FDX1: variants seen among roughly 807,000 people sequenced by gnomAD.
The protein encoded by FDX1 is adrenodoxin, mitochondrial.
In FDX1, 9 loss-of-function variants were observed where a neutral mutation model predicts 14.9. That is an observed-to-expected ratio of 0.60 (90% CI 0.36 to 1.05). The LOEUF (loss-of-function observed/expected upper bound fraction) is 1.05, where lower values mean the gene tolerates loss of function less well. FDX1 is among the 50% of genes least tolerant of loss of function. The pLI is 0.01. For missense variants in FDX1, 204 were observed against 237.2 expected (o/e 0.86, Z 0.92); for synonymous variants, 92 against 99.4 (o/e 0.93, Z 0.44).
chr11:110,444,704 ACG>A lies in FDX1; in HGVS notation c.310+8747_310+8748del, dbSNP rs1491177489. Among the ~76,000 whole-genome samples the A allele has an allele frequency of 6.1e-3, 249 of 40,920 alleles. 16 individuals carry two copies. The highest frequency in any genetic ancestry group is 0.03 in the African/African-American group (221 of 7,394). 26.8% of individuals were successfully genotyped at this position (40,920 alleles called of 152,430 possible). ...TATATACACGTATATATATATATAT[ACG>A]TATATATATATATATACGTATATAT... is the stretch of plus-strand genomic sequence containing the variant. On this transcript the variant is annotated intron_variant, in intron 2 of 3. Coordinates refer to ENST00000260270, the MANE Select transcript of FDX1 (RefSeq NM_004109.5).
Position 110,430,257 on chromosome 11 carries a change from G to C in FDX1, c.137G>C (p.Ser46Thr). The C allele has an allele frequency of 2.2e-5, 27 of 1,204,814 alleles. No individual in the cohort carries two copies. The highest frequency in any genetic ancestry group is 2.8e-5 in the Non-Finnish European group (27 of 970,494). The allele number at this position is 1,204,814 out of a possible 1,614,324, so 74.6% of individuals were successfully genotyped here. The change falls in exon 1 of 4, where the codon AGC becomes ACC. Residue 46 changes from serine to threonine, a missense_variant. Coordinates refer to ENST00000260270, the MANE Select transcript of FDX1 (RefSeq NM_004109.5). ...GLLRNRGPGG[S>T]AEASRSLSVS... The stretch of plus-strand genomic sequence containing the variant: ...CTGAGGAACCGGGGGCCGGGCGGGA[G>C]CGCGGAGGCGAGCCGGTCGCTGAGC...
intron 2 of FDX1, among the ~76,000 whole-genome samples, chr11:110,454,705 G>T (rs1388855174): frequency 1.3e-5 from 2 of 152,110 alleles, no homozygotes; most frequent in Non-Finnish European, 2.9e-5. Context: ...GCCAGTCATG[G>T]TTGCCAGTAT....
chr11:110,431,079 G>A (rs1051332913), intron 1 of FDX1, among the ~76,000 whole-genome samples: 2 of 151,330 alleles, frequency 1.3e-5, no homozygotes, highest in Admixed American at 6.6e-5. Context: ...CACGTAATGA[G>A]GGCTCAGTAG....
Position 110,450,494 on chromosome 11 carries a change from A to G in FDX1, c.311-6424A>G, listed in dbSNP as rs186911145. Among the ~76,000 whole-genome samples the G allele has an allele frequency of 2.5e-3, 380 of 152,310 alleles. 3 individuals carry two copies. Among genetic ancestry groups the G allele is most frequent in the African/African-American group, 7.9e-3 (329 of 41,572 alleles). On this transcript the variant is annotated intron_variant, in intron 2 of 3. Transcript: ENST00000260270. ...TGTAAATACAGATGAAGCTTCCCTCACTTGCCCTCTGCTCACCTGCTGTGT... is the reference window on the plus strand; with the variant it reads ...TGTAAATACAGATGAAGCTTCCCTCGCTTGCCCTCTGCTCACCTGCTGTGT...
chr11:110,452,868 C>G (rs1946495600), intron 2 of FDX1, among the ~76,000 whole-genome samples: 1 of 152,170 alleles, frequency 6.6e-6, no homozygotes, highest in South Asian at 2.1e-4. Context: ...TATGAACATT[C>G]TGGAAAAGAC....
intron 3 of FDX1, among the ~76,000 whole-genome samples, chr11:110,459,892 G>C (rs532504787): frequency 6.6e-6 from 1 of 152,304 alleles, no homozygotes; most frequent in South Asian, 2.1e-4. Flanking sequence ...GGAGCTTTTT[G>C]TTCCGTCTCT....
intron 2 of FDX1, among the ~76,000 whole-genome samples, chr11:110,436,576 C>G (rs1386720449): frequency 4.7e-5 from 6 of 128,764 alleles, no homozygotes; most frequent in East Asian, 2.8e-4. Flanking sequence ...ACTCCTCCCC[C>G]ACCCACCGCC....
intron 1 of FDX1, among the ~76,000 whole-genome samples, chr11:110,435,343 A>G (rs1417759278): frequency 1.3e-5 from 2 of 152,332 alleles, no homozygotes; most frequent in African/African-American, 4.8e-5. Flanking sequence ...AAGCTACTGC[A>G]CTGGCTTGTA....
intron 3 of FDX1, 44 bp downstream of exon 3, chr11:110,457,091 C>A: frequency 6.4e-7 from 1 of 1,569,740 alleles, no homozygotes; most frequent in Non-Finnish European, 8.7e-7. Flanking sequence ...AATCTGGGAA[C>A]ATAGATGTTG....
At chr11:110,460,818 G>T (rs922497743) in intron 3 of FDX1, among the ~76,000 whole-genome samples, 2 of 152,214 alleles carry the variant, frequency 1.3e-5, no homozygotes, top group African/African-American at 4.8e-5. Flanking sequence ...TATATTAAGT[G>T]CTGGATTCTG....
At chr11:110,434,734 T>G (rs571184378) in intron 1 of FDX1, among the ~76,000 whole-genome samples, 36,627 of 136,092 alleles carry the variant, frequency 0.27, 4,570 homozygotes, top group East Asian at 0.36. Flanking sequence ...TGTTTTTTTT[T>G]TTTTTTTTTT....
intron 1 of FDX1, among the ~76,000 whole-genome samples, chr11:110,433,826 G>A (rs1946348219): frequency 6.6e-6 from 1 of 152,128 alleles, no homozygotes; most frequent in Non-Finnish European, 1.5e-5. Context: ...CATTATCCCA[G>A]TGGGGCTTCA....
At chr11:110,440,205 T>G (rs1244460475) in intron 2 of FDX1, among the ~76,000 whole-genome samples, 1 of 152,202 alleles carries the variant, frequency 6.6e-6, no homozygotes, top group East Asian at 1.9e-4. Context: ...CCATTTTGTT[T>G]ATTCTTTCAG....
chr11:110,460,174 G>A (rs1946547700), intron 3 of FDX1, among the ~76,000 whole-genome samples: 1 of 152,124 alleles, frequency 6.6e-6, no homozygotes, highest in Non-Finnish European at 1.5e-5. Context: ...TATTGTGAAG[G>A]CTGTTTCCAA....
chr11:110,463,512 T>A lies in FDX1; in HGVS notation c.*1044T>A, dbSNP rs1046113083. On this transcript the variant is annotated 3_prime_UTR_variant, in exon 4 of 4. Transcript: ENST00000260270. ...GTTAACAAAGGGGTACACAGTATGG[T>A]CTTTGGAAATATAATAAAACATCAA... The A allele has an allele frequency of 6.6e-6, 1 of 152,210 alleles. No homozygotes were observed. Among genetic ancestry groups the A allele is most frequent in the East Asian group, 1.9e-4 (1 of 5,202 alleles). 9.4% of individuals were successfully genotyped at this position (152,210 alleles called of 1,614,324 possible). A position where few individuals can be genotyped will look rare whatever the true frequency, so the allele number is the denominator to read the frequency against.
intron 3 of FDX1, 49 bp downstream of exon 3, chr11:110,457,096 A>G: frequency 2.6e-6 from 4 of 1,518,956 alleles, no homozygotes; most frequent in Non-Finnish European, 3.6e-6. Context: ...GGGAACATAG[A>G]TGTTGTATTA....
At chr11:110,439,214 C>T (rs1319974602) in intron 2 of FDX1, among the ~76,000 whole-genome samples, 1 of 151,426 alleles carries the variant, frequency 6.6e-6, no homozygotes, top group African/African-American at 2.4e-5. Flanking sequence ...CTGCCCACTT[C>T]CCCCCAACCC....
chr11:110,444,658 ATATATACG>A lies in FDX1; in HGVS notation c.310+8707_310+8714del, dbSNP rs1401116939. Among the ~76,000 whole-genome samples the A allele has an allele frequency of 2.3e-4, 18 of 79,114 alleles. 2 individuals are homozygous for A. The highest frequency in any genetic ancestry group is 1.0e-3 in the African/African-American group (16 of 15,474). The allele number at this position is 79,114 out of a possible 152,430, so 51.9% of individuals were successfully genotyped here. On this transcript the variant is annotated intron_variant, in intron 2 of 3. Transcript: ENST00000260270. ...TGTGTGTGTGTGTGTGTGTATATAT[ATATATACG>A]TATATATATATATATATACACGTAT...
Position 110,464,743 on chromosome 11 carries a change from T to C in FDX1, c.*2275T>C, listed in dbSNP as rs1471288889. 1.3e-5 allele frequency: 2 copies of C among 152,218 alleles called. No individual in the cohort carries two copies. Among genetic ancestry groups the C allele is most frequent in the Non-Finnish European group, 2.9e-5 (2 of 68,034 alleles). 9.4% of individuals were successfully genotyped at this position (152,218 alleles called of 1,614,324 possible). On this transcript the variant is annotated 3_prime_UTR_variant, in exon 4 of 4. Transcript: ENST00000260270. ...CTAAACTCTCCTTCCAGAGCTACTT[T>C]AATGATTATATTCAACCAAAGCACT...
Sources: gnomAD v4.1 joint callset for allele counts (sites outside exome capture counted in the v4.1 genomes callset) on GRCh38, gnomAD v4.1.1 for gene constraint, MANE v1.5 for transcripts, NCBI Gene and HGNC (gene_info 2026-07-23, HGNC 2026-07-21) for gene names.